Variants in HMMR observed in about 807,000 individuals in gnomAD.
The protein encoded by HMMR is intracellular hyaluronic acid-binding protein.
Under a neutral mutation model 101.0 loss-of-function variants are expected in HMMR, and 108 were observed. The observed-to-expected ratio is 1.07, with a 90% CI of 0.92 to 1.25. HMMR has a LOEUF of 1.25. HMMR is among the 50% of genes most tolerant of loss of function. HMMR has a pLI of 0.00. For synonymous variants in HMMR, 296 were observed against 276.4 expected (o/e 1.07, Z -0.70); for missense variants, 813 against 788.7 (o/e 1.03, Z -0.37).
At chr5:163,473,639 C>A in intron 9 of HMMR, 82 bp downstream of exon 9, 3 of 796,296 alleles carry the variant, frequency 3.8e-6, no homozygotes, top group Non-Finnish European at 3.8e-6. Flanking sequence ...GCTAAAACAA[C>A]CTTTTAAATA....
Position 163,472,058 on chromosome 5 carries a change from T to A in HMMR, c.650+595T>A, listed in dbSNP as rs991081755. 4.3e-4 allele frequency among the ~76,000 whole-genome samples: 64 copies of A among 150,264 alleles called. 1 individual carries two copies. The highest frequency in any genetic ancestry group is 1.2e-3 in the East Asian group (6 of 5,152). ...TATTTATTATTATTATTATTTATTT[T>A]TTTTTTTAGAGATGGGGCATTGCTT... On this transcript the variant is annotated intron_variant, in intron 7 of 17. Coordinates refer to ENST00000393915, the MANE Select transcript of HMMR (RefSeq NM_001142556.2).
At chr5:163,469,559 C>T in intron 4 of HMMR, 82 bp from the exon 5 acceptor site, 1 of 1,148,020 alleles carries the variant, frequency 8.7e-7, no homozygotes, top group Non-Finnish European at 1.3e-6. Context: ...TTTCCAGAAA[C>T]TTTAGGGGTG....
chr5:163,481,910 TA>T (rs1759279740), intron 12 of HMMR, among the ~76,000 whole-genome samples: 1 of 152,162 alleles, frequency 6.6e-6, no homozygotes, highest in South Asian at 2.1e-4. Context: ...AACACCTTTT[TA>T]TTTTATTTAT....
intron 16 of HMMR, among the ~76,000 whole-genome samples, chr5:163,487,330 GT>G (rs1187963357): frequency 6.6e-6 from 1 of 150,748 alleles, no homozygotes; most frequent in Admixed American, 6.6e-5. Context: ...TTGCTGAGGG[GT>G]TTTTTTCAGC....
chr5:163,463,797 TTTAAC>T, intron 1 of HMMR, 54 bp from the exon 2 acceptor site: 2 of 662,564 alleles, frequency 3.0e-6, no homozygotes, highest in Admixed American at 4.0e-5. Context: ...TATGACATGT[TTTAAC>T]TTAAGATCAT....
At chr5:163,490,599 G>C (rs369732869) in intron 17 of HMMR, 47 bp downstream of exon 17, 23 of 1,396,312 alleles carry the variant, frequency 1.6e-5, no homozygotes, top group Non-Finnish European at 2.2e-5. Flanking sequence ...CTTTGGATTT[G>C]CTTTTATAGC....
intron 11 of HMMR, among the ~76,000 whole-genome samples, chr5:163,477,544 G>A (rs1759109886): frequency 6.6e-6 from 1 of 152,132 alleles, no homozygotes; most frequent in African/African-American, 2.4e-5. Flanking sequence ...CTATACTACA[G>A]CCAATCTCAG....
intron 12 of HMMR, 74 bp from the exon 13 acceptor site, chr5:163,482,568 T>G (rs1283703348): frequency 2.8e-6 from 3 of 1,065,222 alleles, no homozygotes; most frequent in Non-Finnish European, 4.2e-6. Context: ...GTATATAAAG[T>G]GTAAACTAAT....
At chr5:163,476,903 C>T (rs1381688800) in intron 11 of HMMR, among the ~76,000 whole-genome samples, 5 of 151,984 alleles carry the variant, frequency 3.3e-5, no homozygotes, top group African/African-American at 9.7e-5. Context: ...TCGTGGCGCA[C>T]GCCTGTAATC....
chr5:163,488,997 G>C (rs1270602287), intron 16 of HMMR, among the ~76,000 whole-genome samples: 1 of 152,170 alleles, frequency 6.6e-6, no homozygotes, highest in African/African-American at 2.4e-5. Flanking sequence ...CCAGGGACCA[G>C]TTTTGTGGAA....
chr5:163,477,078 T>A (rs889946520), intron 11 of HMMR, among the ~76,000 whole-genome samples: 1 of 152,172 alleles, frequency 6.6e-6, no homozygotes, highest in Non-Finnish European at 1.5e-5. Context: ...GAACTCTAGT[T>A]CCTTATAATT....
intron 15 of HMMR, among the ~76,000 whole-genome samples, chr5:163,483,821 C>G (rs1759369260): frequency 6.6e-6 from 1 of 152,080 alleles, no homozygotes; most frequent in South Asian, 2.1e-4. Context: ...GGTAATCTAA[C>G]TGATACAGAT....
In HMMR at chr5:163,460,738, G is replaced by A; in HGVS notation, c.46G>A (p.Gly16Ser). 1.9e-6 allele frequency: 3 copies of A among 1,606,930 alleles called. No homozygotes were observed. The highest frequency in any genetic ancestry group is 2.5e-6 in the Non-Finnish European group (3 of 1,176,582). ...APLKRFNDPS[G>S]CAPSPGAYDV... ...CTTGAAACGATTCAATGACCCTTCT[G>A]GTGCGTAAGGGGGAAAGAGCTGGGG... Residue 16 changes from glycine (G) to serine (S), a missense_variant and splice_region_variant, in exon 1 of 18, where the codon GGT becomes AGT. Transcript: ENST00000393915.
intron 3 of HMMR, among the ~76,000 whole-genome samples, chr5:163,467,359 T>A (rs1758736331): frequency 6.6e-6 from 1 of 152,226 alleles, no homozygotes. Context: ...GTAAGATTCT[T>A]TCTGAGATAG....
intron 12 of HMMR, among the ~76,000 whole-genome samples, chr5:163,479,928 A>G (rs1031944188): frequency 2.6e-5 from 4 of 152,234 alleles, no homozygotes; most frequent in African/African-American, 9.6e-5. Flanking sequence ...TACAAAGGCC[A>G]ATATAATGAA....
intron 16 of HMMR, among the ~76,000 whole-genome samples, chr5:163,485,984 T>A (rs1759464517): frequency 1.3e-5 from 2 of 152,212 alleles, no homozygotes; most frequent in South Asian, 4.1e-4. Context: ...ATTTCTAGAC[T>A]CTCAACTGTC....
intron 2 of HMMR, among the ~76,000 whole-genome samples, chr5:163,464,487 G>A (rs551546995): frequency 4.6e-5 from 7 of 152,116 alleles, no homozygotes; most frequent in Non-Finnish European, 1.0e-4. Context: ...GTGGTGGGGT[G>A]CGCCTGTGGT....
At chr5:163,486,138 A>C (rs1437422018) in intron 16 of HMMR, among the ~76,000 whole-genome samples, 2 of 152,168 alleles carry the variant, frequency 1.3e-5, no homozygotes, top group Non-Finnish European at 2.9e-5. Flanking sequence ...TTGCAATTCT[A>C]TATTAATTTT....
intron 7 of HMMR, among the ~76,000 whole-genome samples, chr5:163,472,117 A>C (rs1007561763): frequency 6.6e-6 from 1 of 151,518 alleles, no homozygotes; most frequent in African/African-American, 2.4e-5. Context: ...TCCTGGACTC[A>C]AGTGATACCA....
Sources: allele counts gnomAD v4.1 joint callset (sites outside exome capture counted in the v4.1 genomes callset), GRCh38; gene constraint gnomAD v4.1.1; transcripts MANE v1.5; gene names NCBI Gene and HGNC (gene_info 2026-07-23, HGNC 2026-07-21).